Variants in ZNF568 observed in about 807,000 individuals in gnomAD.
ZNF568 encodes the protein p53 inhibitor of SCO2 activation.
A neutral mutation model predicts 18.1 loss-of-function variants in ZNF568; 11 were observed. The observed-to-expected ratio is 0.61, with a 90% confidence interval of 0.38 to 1.00. The LOEUF is 1.00. Ranked by LOEUF, ZNF568 falls within the 50% of genes least tolerant of loss-of-function variation. ZNF568 has a pLI of 0.01. For synonymous variants in ZNF568, 213 were observed against 246.6 expected (o/e 0.86, Z 1.28); for missense variants, 639 against 768.2 (o/e 0.83, Z 1.99).
At chr19:36,919,209 G>A (rs1242222368) in intron 2 of ZNF568, among the ~76,000 whole-genome samples, 1 of 152,022 alleles carries the variant, frequency 6.6e-6, no homozygotes, top group Non-Finnish European at 1.5e-5. Flanking sequence ...CATTTTATCA[G>A]CATATTTTTG....
intron 6 of ZNF568, among the ~76,000 whole-genome samples, chr19:36,959,603 A>G (rs2074132832): frequency 1.3e-5 from 2 of 152,104 alleles, no homozygotes; most frequent in South Asian, 2.1e-4. Flanking sequence ...TTTTCTTTGT[A>G]TGGTATAATT....
chr19:36,937,002 C>G (rs187675619), intron 5 of ZNF568, 130 bp downstream of exon 5: 1 of 1,367,330 alleles, frequency 7.3e-7, no homozygotes, highest in Non-Finnish European at 1.0e-6. Flanking sequence ...CTCCACTCTT[C>G]AGTGTTAAAG....
chr19:36,995,955 G>A (rs926141742), intron 4 of ZNF568, among the ~76,000 whole-genome samples: 1 of 152,100 alleles, frequency 6.6e-6, no homozygotes, highest in African/African-American at 2.4e-5. Context: ...ACTTGTGAAC[G>A]TGTTACTCTT....
At chr19:36,996,796 T>C in exon 5 of ZNF568, 1 of 1,554,162 alleles carries the variant, frequency 6.4e-7, no homozygotes, top group Non-Finnish European at 8.6e-7. Flanking sequence ...ACCTCATAAA[T>C]GTAAGGAATG....
intron 2 of ZNF568, among the ~76,000 whole-genome samples, chr19:36,990,660 C>A (rs2074415975): frequency 6.6e-6 from 1 of 152,100 alleles, no homozygotes; most frequent in Admixed American, 6.5e-5. Context: ...ATTATAACTG[C>A]AAAAGAACCT....
chr19:36,950,719 A>G lies in ZNF568; in HGVS notation c.1566A>G (p.Lys522=). 6.2e-7 allele frequency: 1 copy of G among 1,613,836 alleles called. No individual in the cohort carries two copies. Among genetic ancestry groups the G allele is most frequent in the East Asian group, 2.2e-5 (1 of 44,868 alleles). ...SQKSNLTEHE[K]IHTGEKPYHC... is the part of the protein sequence containing the mutation. Reference sequence around the variant, plus strand: ...AATCAAACCTCACTGAACATGAGAAAATTCATACTGGAGAGAAACCTTATC... The same window carrying G: ...AATCAAACCTCACTGAACATGAGAAGATTCATACTGGAGAGAAACCTTATC... Residue 522 remains lysine, a synonymous_variant, in exon 7 of 7, where the codon AAA becomes AAG. Coordinates refer to ENST00000333987, the MANE Select transcript of ZNF568 (RefSeq NM_198539.4).
At chr19:36,959,062 T>C (rs895362391) in intron 6 of ZNF568, among the ~76,000 whole-genome samples, 9 of 152,338 alleles carry the variant, frequency 5.9e-5, no homozygotes, top group Admixed American at 2.0e-4. Flanking sequence ...ATTACTATGT[T>C]GAATAGGAGT....
intron 6 of ZNF568, chr19:36,974,269 A>T (rs1442306803): frequency 1.2e-5 from 8 of 648,758 alleles, no homozygotes; most frequent in Non-Finnish European, 2.1e-5. Flanking sequence ...GGTCACCTGC[A>T]TTTCTTTGTG....
At chr19:36,935,972 A>C (rs1460407161) in intron 4 of ZNF568, among the ~76,000 whole-genome samples, 1 of 152,084 alleles carries the variant, frequency 6.6e-6, no homozygotes, top group Non-Finnish European at 1.5e-5. Context: ...GTAACACTAA[A>C]ATTATTGGGC....
At chr19:36,957,219 CTTTTTTTTTTTTTTT>C (rs56712509), downstream of ZNF568, among the ~76,000 whole-genome samples, 3 of 69,564 alleles carry the variant, frequency 4.3e-5, no homozygotes, top group Non-Finnish European at 7.8e-5. Context: ...CCAGACTGTT[CTTTTTTTTTTTTTTT>C]TTTTTTTTTT....
Position 36,950,980 on chromosome 19 carries a change from T to C in ZNF568, c.1827T>C (p.Thr609=), listed in dbSNP as rs2074052246. The C allele has an allele frequency of 1.9e-6, 3 of 1,613,618 alleles. No homozygotes were observed. The South Asian group carries it at 3.3e-5, about 18-fold the overall frequency. The change falls in exon 7 of 7, where the codon ACT becomes ACC. Residue 609 remains threonine (T), a synonymous_variant. Coordinates refer to ENST00000333987, the MANE Select transcript of ZNF568 (RefSeq NM_198539.4). ...TTATTATACATATGAGAAGTCATAC[T>C]GGTGAGAAACCCTTTGAATGTAATG... ...SLLIIHMRSH[T]GEKPFECNEC... is the part of the protein sequence containing the mutation.
chr19:36,965,194 GTGATTAGCTCA>G (rs2074185392), intron 6 of ZNF568, among the ~76,000 whole-genome samples: 1 of 152,130 alleles, frequency 6.6e-6, no homozygotes, highest in Admixed American at 6.5e-5. Context: ...CCTTTACAAG[GTGATTAGCTCA>G]TGAGAGCTCC....
chr19:36,982,013 A>G (rs2074335728), downstream of ZNF568, among the ~76,000 whole-genome samples: 1 of 151,470 alleles, frequency 6.6e-6, no homozygotes, highest in African/African-American at 2.4e-5. Context: ...ATATCCCCCC[A>G]CCTTGCTTAA....
chr19:36,958,868 T>G (rs2074128043), intron 6 of ZNF568, among the ~76,000 whole-genome samples: 1 of 151,904 alleles, frequency 6.6e-6, no homozygotes, highest in Admixed American at 6.6e-5. Context: ...TGATCGAACC[T>G]CCTCGGCCTC....
intron 6 of ZNF568, among the ~76,000 whole-genome samples, chr19:36,939,472 C>T (rs1198449456): frequency 6.6e-6 from 1 of 151,454 alleles, no homozygotes; most frequent in African/African-American, 2.4e-5. Context: ...CTGTTCTTTC[C>T]TCCTATTCTG....
At chr19:36,997,511 C>A (rs781480344), downstream of ZNF568, 29 of 1,587,926 alleles carry the variant, frequency 1.8e-5, no homozygotes, top group South Asian at 3.3e-4. Flanking sequence ...TCAGAACTCA[C>A]ACATCATGAG....
At chr19:36,992,232 G>T (rs2074431278) in intron 4 of ZNF568, among the ~76,000 whole-genome samples, 1 of 111,566 alleles carries the variant, frequency 9.0e-6, no homozygotes, top group Non-Finnish European at 1.7e-5. Flanking sequence ...AACAGAGCAA[G>T]ACTCCGTCTC....
Position 36,950,630 on chromosome 19 carries a change from C to T in ZNF568, c.1477C>T (p.Gln493Ter). ...FIQMSNLIRH[Q>*]RIHTGEKPYA... ...TCAGATGTCAAACCTCATTCGACAC[C>T]AGAGAATTCATACGGGTGAGAAACC... The change falls in exon 7 of 7, where the codon CAG becomes TAG. Residue 493 changes from glutamine to a stop codon, truncating the protein, a stop_gained. Coordinates refer to ENST00000333987, the MANE Select transcript of ZNF568 (RefSeq NM_198539.4). LOFTEE classifies it low-confidence loss of function (END_TRUNC). The T allele has an allele frequency of 6.2e-7, 1 of 1,613,306 alleles. No homozygotes were observed. The highest frequency in any genetic ancestry group is 8.5e-7 in the Non-Finnish European group (1 of 1,179,766).
At chr19:36,934,964 T>G (rs1406983857) in intron 4 of ZNF568, among the ~76,000 whole-genome samples, 1 of 151,690 alleles carries the variant, frequency 6.6e-6, no homozygotes, top group Non-Finnish European at 1.5e-5. Context: ...AAGAGACAGG[T>G]CTGGCTGTGT....
Sources: gnomAD v4.1 joint callset for allele counts (sites outside exome capture counted in the v4.1 genomes callset) on GRCh38, gnomAD v4.1.1 for gene constraint, MANE v1.5 for transcripts, NCBI Gene and HGNC (gene_info 2026-07-23, HGNC 2026-07-21) for gene names.